The following PKD1L3 variants were observed in gnomAD, a reference collection of about 807,000 sequenced individuals.
The protein encoded by PKD1L3 is polycystin 1 like 3, transient receptor potential channel interacting.
Under a neutral mutation model 184.1 loss-of-function variants are expected in PKD1L3, and 239 were observed. That is an observed-to-expected ratio of 1.30 (90% confidence interval 1.17 to 1.45). The LOEUF (loss-of-function observed/expected upper bound fraction) is 1.45, where lower values mean the gene tolerates loss of function less well. Among genes scored for constraint, PKD1L3 ranks in the 40% most tolerant of loss-of-function variants. The pLI is 0.00. For missense variants in PKD1L3, 2,660 were observed against 2,067.2 expected (o/e 1.29, Z -5.56); for synonymous variants, 996 against 778.8 (o/e 1.28, Z -4.64).
intron 15 of PKD1L3, among the ~76,000 whole-genome samples, 180 bp from the exon 16 acceptor site, chr16:71,963,531 C>G (rs1031346229): frequency 6.6e-6 from 1 of 152,192 alleles, no homozygotes; most frequent in Non-Finnish European, 1.5e-5. Flanking sequence ...CCTACAATCC[C>G]AGCACTGCGT....
chr16:71,943,585 T>G (rs985465979), intron 23 of PKD1L3, among the ~76,000 whole-genome samples: 128 of 147,648 alleles, frequency 8.7e-4, no homozygotes, highest in African/African-American at 3.0e-3. Context: ...AGAAATATGG[T>G]GTTTAGCTCT....
At chr16:71,962,168 T>C (rs12149877) in intron 16 of PKD1L3, among the ~76,000 whole-genome samples, 41,637 of 151,814 alleles carry the variant, frequency 0.27, 5,960 homozygotes, top group South Asian at 0.41. Context: ...AAGTGATTTG[T>C]CCACCTCGGC....
rs1305476607 is a variant in PKD1L3 at position 71,973,510 on chromosome 16, C to T, written c.1767G>A (p.Glu589=). ...PKDKVWQKDE[E]YTWVLNPEHL... is the part of the protein sequence containing the mutation. ...GCTCTGGATTCAGCACCCACGTGTA[C>T]TCCTCATCTTAGAACAAAGAAGAGT... The change falls in exon 12 of 30, where the codon GAG becomes GAA. Residue 589 remains glutamate (E), a synonymous_variant. Transcript: ENST00000620267. The T allele has an allele frequency of 1.3e-6, 2 of 1,551,286 alleles. No homozygotes were observed. The highest frequency in any genetic ancestry group is 1.4e-5 in the African/African-American group (1 of 73,060).
rs549125790 is a variant in PKD1L3 at position 71,964,668 on chromosome 16, C to T, written c.2466-1317G>A. On this transcript the variant is annotated intron_variant, in intron 15 of 29. Coordinates refer to ENST00000620267, the MANE Select transcript of PKD1L3 (RefSeq NM_181536.2). ...CAATGTATTTTGACAAACGTTTATA[C>T]ACCAGCACCATCAAAATATCACCCC... Among the ~76,000 whole-genome samples the T allele has an allele frequency of 7.9e-5, 12 of 151,832 alleles. No homozygotes were observed. The East Asian group carries it at 2.1e-3, about 27-fold the overall frequency.
chr16:71,937,424 G>T lies in PKD1L3; in HGVS notation c.4325-5C>A, dbSNP rs1023119910. ...TCAAAGAGGTGAAGAAAGCACCTGAGAATAACAAAGAACACCTGGAGTCAA... is the reference window on the plus strand; with the variant it reads ...TCAAAGAGGTGAAGAAAGCACCTGATAATAACAAAGAACACCTGGAGTCAA... On this transcript the variant is annotated splice_region_variant and splice_polypyrimidine_tract_variant and intron_variant, in intron 24 of 29. Transcript: ENST00000620267. 1.3e-6 allele frequency: 2 copies of T among 1,549,540 alleles called. No homozygotes were observed. The highest frequency in any genetic ancestry group is 2.7e-5 in the African/African-American group (2 of 72,876).
At position 71,963,294 on chromosome 16, in the gene PKD1L3, C is replaced by A; in HGVS notation, c.2523G>T (p.Leu841=). 6.4e-7 allele frequency: 1 copy of A among 1,551,422 alleles called. No homozygotes were observed. The change falls in exon 16 of 30, where the codon CTG becomes CTT. Residue 841 remains leucine (L), a synonymous_variant. Coordinates refer to ENST00000620267, the MANE Select transcript of PKD1L3 (RefSeq NM_181536.2). ...DMAVKRKWHF[L]CNCWLAVDLG... ...GGTCCACAGCCAGCCAGCAATTGCA[C>A]AGGAAATGCCACTTCCTCTTAACTG... is the stretch of plus-strand genomic sequence containing the variant.
At chr16:71,997,267 G>A (rs1182592067) in intron 2 of PKD1L3, among the ~76,000 whole-genome samples, 1 of 151,820 alleles carries the variant, frequency 6.6e-6, no homozygotes, top group Non-Finnish European at 1.5e-5. Context: ...CAATTGCTCA[G>A]TTGTATGGTA....
intron 11 of PKD1L3, among the ~76,000 whole-genome samples, chr16:71,975,909 A>G (rs1218539946): frequency 2.0e-5 from 3 of 151,780 alleles, no homozygotes; most frequent in African/African-American, 7.3e-5. Context: ...TATGCAAGAT[A>G]CTACCATTCA....
intron 25 of PKD1L3, among the ~76,000 whole-genome samples, chr16:71,935,871 C>G (rs1263209324): frequency 6.6e-6 from 1 of 152,162 alleles, no homozygotes; most frequent in Non-Finnish European, 1.5e-5. Context: ...CTCACTGCAG[C>G]CTCAACCTCC....
chr16:71,973,411 T>C lies in PKD1L3; in HGVS notation c.1866A>G (p.Thr622=). 1 of 1,551,454 alleles carries C rather than the reference T, an allele frequency of 6.4e-7. No homozygotes were observed. The highest frequency in any genetic ancestry group is 8.7e-7 in the Non-Finnish European group (1 of 1,146,934). ...LSERQEGAQQ[T]PSLVSVITAV... ...CGGTGATGACCGAGACCAAGCTGGG[T>C]GTCTGCTGAGCACCCTCCTGCCTCT... Residue 622 remains threonine (T), a synonymous_variant, in exon 12 of 30, where the codon ACA becomes ACG. Transcript: ENST00000620267.
At chr16:71,975,937 G>A (rs965530757) in intron 11 of PKD1L3, among the ~76,000 whole-genome samples, 2 of 147,506 alleles carry the variant, frequency 1.4e-5, no homozygotes, top group African/African-American at 2.5e-5. Flanking sequence ...TGGATGAGAG[G>A]TATACAAGCT....
intron 9 of PKD1L3, among the ~76,000 whole-genome samples, 196 bp from the exon 10 acceptor site, chr16:71,978,579 A>T (rs905813233): frequency 2.3e-4 from 33 of 144,852 alleles, no homozygotes; most frequent in African/African-American, 8.6e-4. Flanking sequence ...ACACTCTGTC[A>T]ATCAGGATGG....
At chr16:71,983,960 G>T (rs2040262575) in intron 6 of PKD1L3, 76 bp downstream of exon 6, 1 of 1,520,392 alleles carries the variant, frequency 6.6e-7, no homozygotes, top group Non-Finnish European at 8.9e-7. Flanking sequence ...ACCGCACCCA[G>T]CCTCAGATTC....
intron 3 of PKD1L3, among the ~76,000 whole-genome samples, chr16:71,990,752 A>T (rs2040558919): frequency 6.6e-6 from 1 of 152,068 alleles, no homozygotes; most frequent in African/African-American, 2.4e-5. Context: ...GCCAAAAAAA[A>T]ATAAAGGTAA....
Position 71,980,035 on chromosome 16 carries a change from A to C in PKD1L3, c.1243T>G (p.Ser415Ala). The change falls in exon 8 of 30, where the codon TCT (serine) becomes GCT (alanine). Residue 415 changes from serine to alanine, a missense_variant. Coordinates refer to ENST00000620267, the MANE Select transcript of PKD1L3 (RefSeq NM_181536.2). ...CTCAGCAGCAGAGTAGCATTGGCAG[A>C]GGTCAAAGTCACTGAAGACTCGGGA... ...QSPESSVTLT[S>A]ANATLLLSRQ... 1 of 1,552,118 alleles carries C rather than the reference A, an allele frequency of 6.4e-7. No homozygotes were observed. The highest frequency in any genetic ancestry group is 8.7e-7 in the Non-Finnish European group (1 of 1,147,104).
At position 71,953,823 on chromosome 16, in the gene PKD1L3, C is replaced by T. The variant is rs138906675; in HGVS notation, c.2809+282G>A. Among the ~76,000 whole-genome samples, 592 of 152,310 alleles carry T rather than the reference C, an allele frequency of 3.9e-3. 2 individuals are homozygous for T. The highest frequency in any genetic ancestry group is 0.014 in the African/African-American group (563 of 41,558). ...CCAACACAGGGGGATTACAGTTGGACGTGAGATTTGGGTGGGGACACAGAG... is the reference window on the plus strand; with the variant it reads ...CCAACACAGGGGGATTACAGTTGGATGTGAGATTTGGGTGGGGACACAGAG... On this transcript the variant is annotated intron_variant, in intron 17 of 29. Transcript: ENST00000620267.
At chr16:71,933,277 C>CT in intron 28 of PKD1L3, 143 bp downstream of exon 28, 1 of 664,636 alleles carries the variant, frequency 1.5e-6, no homozygotes, top group Non-Finnish European at 2.7e-6. Context: ...TAGGCAGTAC[C>CT]ATAAAGCAGT....
intron 21 of PKD1L3, among the ~76,000 whole-genome samples, chr16:71,948,388 T>C (rs1471518980): frequency 1.3e-5 from 2 of 152,106 alleles, no homozygotes; most frequent in South Asian, 4.1e-4. Flanking sequence ...TGGCCTGGGA[T>C]TTTTGTATTC....
At chr16:71,966,328 C>A (rs946549366) in intron 15 of PKD1L3, among the ~76,000 whole-genome samples, 1 of 152,108 alleles carries the variant, frequency 6.6e-6, no homozygotes, top group Admixed American at 6.6e-5. Flanking sequence ...AAACCTAACA[C>A]GTTAGGTTCA....
Sources: allele counts gnomAD v4.1 joint callset (sites outside exome capture counted in the v4.1 genomes callset), GRCh38; gene constraint gnomAD v4.1.1; transcripts MANE v1.5; gene names NCBI Gene and HGNC (gene_info 2026-07-23, HGNC 2026-07-21).